The following ALDH1A1 variants were observed in gnomAD, a reference collection of about 807,000 sequenced individuals.
ALDH1A1 encodes aldehyde dehydrogenase 1A1.
Under a neutral mutation model 62.1 loss-of-function variants are expected in ALDH1A1, and 19 were observed. The observed-to-expected ratio is 0.31, with a 90% CI of 0.21 to 0.45. The LOEUF (loss-of-function observed/expected upper bound fraction) is 0.45. ALDH1A1 is among the 20% of genes least tolerant of loss of function. The pLI, the probability that ALDH1A1 is intolerant of heterozygous loss-of-function variation, is 1.00. For missense variants in ALDH1A1, 521 were observed against 607.1 expected (o/e 0.86, Z 1.49); for synonymous variants, 231 against 215.9 (o/e 1.07, Z -0.61).
chr9:72,938,181 A>T (rs1335892923), intron 2 of ALDH1A1, among the ~76,000 whole-genome samples: 1 of 152,160 alleles, frequency 6.6e-6, no homozygotes, highest in Non-Finnish European at 1.5e-5. Context: ...ACACATTGTC[A>T]TGAATAATAT....
At chr9:72,901,459 C>G (rs1435691431) in intron 12 of ALDH1A1, among the ~76,000 whole-genome samples, 179 bp from the exon 13 acceptor site, 1 of 152,066 alleles carries the variant, frequency 6.6e-6, no homozygotes, top group Non-Finnish European at 1.5e-5. Flanking sequence ...TGGTCTTACA[C>G]AGATTCCCTT....
intron 9 of ALDH1A1, among the ~76,000 whole-genome samples, chr9:72,912,991 C>G (rs1268218817): frequency 6.6e-6 from 1 of 152,098 alleles, no homozygotes; most frequent in African/African-American, 2.4e-5. Flanking sequence ...CTGCCTATCT[C>G]AGGTGTAGCA....
intron 3 of ALDH1A1, 69 bp downstream of exon 3, chr9:72,930,810 A>C: frequency 6.3e-7 from 1 of 1,592,838 alleles, no homozygotes; most frequent in Non-Finnish European, 8.6e-7. Flanking sequence ...AAATCAAAAC[A>C]ACTTGCCATT....
At chr9:72,921,522 A>ATGTT (rs1830144806) in intron 7 of ALDH1A1, among the ~76,000 whole-genome samples, 1 of 70,784 alleles carries the variant, frequency 1.4e-5, no homozygotes, top group Non-Finnish European at 3.0e-5. Context: ...TTTTTTTTTC[A>ATGTT]TTTTTTTTTT....
intron 10 of ALDH1A1, among the ~76,000 whole-genome samples, chr9:72,911,664 G>C (rs1360712796): frequency 2.0e-5 from 3 of 152,104 alleles, no homozygotes; most frequent in African/African-American, 7.2e-5. Flanking sequence ...CCAGGTTGTT[G>C]CTGCAAATGA....
At chr9:72,910,755 CACTGATTTAAATGTT>C (rs1829972306) in intron 10 of ALDH1A1, among the ~76,000 whole-genome samples, 1 of 152,024 alleles carries the variant, frequency 6.6e-6, no homozygotes, top group Admixed American at 6.5e-5. Flanking sequence ...TGGTGTTCAC[CACTGATTTAAATGTT>C]AGAAGGGAGG....
chr9:72,940,268 G>T lies in ALDH1A1; in HGVS notation c.67-16C>A. ...TTATGAAGATCTGTAGAGATGAAGA[G>T]AAAATACATACAAGGCGCTTAAATA... On this transcript the variant is annotated splice_polypyrimidine_tract_variant and intron_variant, in intron 1 of 12. Transcript: ENST00000297785. The T allele has an allele frequency of 1.3e-6, 2 of 1,587,998 alleles. No individual in the cohort carries two copies. The highest frequency in any genetic ancestry group is 1.7e-6 in the Non-Finnish European group (2 of 1,157,252).
Position 72,921,768 on chromosome 9 carries a change from A to G in ALDH1A1, c.747+2251T>C, listed in dbSNP as rs1830149261. Among the ~76,000 whole-genome samples, 2 of 149,336 alleles carry G rather than the reference A, an allele frequency of 1.3e-5. 1 individual carries two copies. The highest frequency in any genetic ancestry group is 4.2e-4 in the South Asian group (2 of 4,740). ...TCTTACTGTGATGGTTTCTGGAGATAACAATGAATAAGACTGTCTTTGAGG... is the reference window on the plus strand; with the variant it reads ...TCTTACTGTGATGGTTTCTGGAGATGACAATGAATAAGACTGTCTTTGAGG... On this transcript the variant is annotated intron_variant, in intron 7 of 12. Transcript: ENST00000297785.
chr9:72,941,453 T>C (rs1361691127), intron 1 of ALDH1A1, among the ~76,000 whole-genome samples: 1 of 152,180 alleles, frequency 6.6e-6, no homozygotes, highest in Non-Finnish European at 1.5e-5. Context: ...TTCTGTGATT[T>C]ATTATTTAGA....
At chr9:72,943,607 G>T (rs1830441681) in intron 1 of ALDH1A1, among the ~76,000 whole-genome samples, 1 of 152,118 alleles carries the variant, frequency 6.6e-6, no homozygotes, top group Non-Finnish European at 1.5e-5. Context: ...AAGACAGGAG[G>T]ACACTGTGAG....
intron 3 of ALDH1A1, among the ~76,000 whole-genome samples, chr9:72,929,370 G>T (rs955668140): frequency 2.6e-5 from 4 of 152,124 alleles, no homozygotes; most frequent in African/African-American, 9.7e-5. Flanking sequence ...TTCCAACAAG[G>T]TTTCTCTTAT....
intron 7 of ALDH1A1, among the ~76,000 whole-genome samples, chr9:72,921,173 G>A (rs1179998288): frequency 2.0e-5 from 3 of 151,504 alleles, no homozygotes; most frequent in South Asian, 2.1e-4. Flanking sequence ...CATGAACCAC[G>A]GAGGTGGAGC....
In ALDH1A1 at chr9:72,929,821, C is replaced by A. The variant is rs141518009; in HGVS notation, c.313-800G>T. Among the ~76,000 whole-genome samples, 581 of 152,268 alleles carry A rather than the reference C, an allele frequency of 3.8e-3. 1 individual carries two copies. Among genetic ancestry groups the A allele is most frequent in the Middle Eastern group, 0.01 (3 of 294 alleles). On this transcript the variant is annotated intron_variant, in intron 3 of 12. Transcript: ENST00000297785. ...TTTAACCAAATGTGACTTTTGTATGCCTGTACTTTTCTCTCTATAGGATCT... is the reference window on the plus strand; with the variant it reads ...TTTAACCAAATGTGACTTTTGTATGACTGTACTTTTCTCTCTATAGGATCT...
At position 72,901,153 on chromosome 9, in the gene ALDH1A1, G is replaced by C. The variant is rs1829798588; in HGVS notation, c.*55C>G. On this transcript the variant is annotated 3_prime_UTR_variant, in exon 13 of 13. Coordinates refer to ENST00000297785, the MANE Select transcript of ALDH1A1 (RefSeq NM_000689.5). ...TGTCTTTAAAATCTACTATATTAGTGACTGTAAGGAGATGCTTAGCTATTG... is the reference window on the plus strand; with the variant it reads ...TGTCTTTAAAATCTACTATATTAGTCACTGTAAGGAGATGCTTAGCTATTG... 1 of 1,329,782 alleles carries C rather than the reference G, an allele frequency of 7.5e-7. No homozygotes were observed. The highest frequency in any genetic ancestry group is 1.5e-5 in the African/African-American group (1 of 68,348). 82.4% of individuals were successfully genotyped at this position (1,329,782 alleles called of 1,614,324 possible). A position where few individuals can be genotyped will look rare whatever the true frequency, so the allele number is the denominator to read the frequency against.
intron 3 of ALDH1A1, among the ~76,000 whole-genome samples, chr9:72,930,391 A>C (rs1830265773): frequency 6.6e-6 from 1 of 152,186 alleles, no homozygotes; most frequent in Non-Finnish European, 1.5e-5. Context: ...ACATTTCAGG[A>C]AGAAAAAAAG....
chr9:72,905,930 A>G (rs774366233), intron 12 of ALDH1A1, 28 bp downstream of exon 12: 3 of 1,521,390 alleles, frequency 2.0e-6, no homozygotes, highest in African/African-American at 2.8e-5. Context: ...AAAAATAAAT[A>G]TTTATCTTAA....
chr9:72,907,721 A>C (rs1048955134), intron 11 of ALDH1A1, among the ~76,000 whole-genome samples: 3 of 152,140 alleles, frequency 2.0e-5, no homozygotes, highest in African/African-American at 7.2e-5. Flanking sequence ...ATTTAATAGG[A>C]TTGTTTCAAG....
chr9:72,945,739 G>A (rs1830466891), intron 1 of ALDH1A1, among the ~76,000 whole-genome samples: 1 of 151,892 alleles, frequency 6.6e-6, no homozygotes, highest in Non-Finnish European at 1.5e-5. Context: ...TGGATCTCTG[G>A]CAACTGCTTT....
rs1040344450 is a variant in ALDH1A1 at position 72,901,116 on chromosome 9, A to T, written c.*92T>A. ...TAGCTTATGTTTAAAAAAATCAAGA[A>T]AAGAAAAATTTTGTCTTTAAAATCT... On this transcript the variant is annotated 3_prime_UTR_variant, in exon 13 of 13. Transcript: ENST00000297785. The T allele has an allele frequency of 6.3e-5, 61 of 969,152 alleles. No individual in the cohort carries two copies. The African/African-American group carries it at 7.3e-4, about 12-fold the overall frequency. 60.0% of individuals were successfully genotyped at this position (969,152 alleles called of 1,614,324 possible).
Sources: gnomAD v4.1 joint callset for allele counts (sites outside exome capture counted in the v4.1 genomes callset) on GRCh38, gnomAD v4.1.1 for gene constraint, MANE v1.5 for transcripts, NCBI Gene and HGNC (gene_info 2026-07-23, HGNC 2026-07-21) for gene names.